FSTL4: variants seen among roughly 807,000 people sequenced by gnomAD.
FSTL4 encodes the protein follistatin like 4, also known as follistatin-related protein 4.
Under a neutral mutation model 78.2 loss-of-function variants are expected in FSTL4, and 28 were observed. The ratio of observed to expected loss-of-function variants is 0.36; its 90% CI spans 0.27 to 0.49. FSTL4 has a LOEUF of 0.49. FSTL4 is among the 20% of genes least tolerant of loss of function. The pLI is 0.98. For missense variants in FSTL4, 922 were observed against 1,084.9 expected, an observed-to-expected ratio of 0.85 and a Z score of 2.11; for synonymous variants, 422 against 440.5, an observed-to-expected ratio of 0.96 and a Z score of 0.53.
intron 2 of FSTL4, among the ~76,000 whole-genome samples, chr5:133,568,928 T>C (rs1285649024): frequency 6.6e-6 from 1 of 152,238 alleles, no homozygotes; most frequent in Non-Finnish European, 1.5e-5. Flanking sequence ...ACACAGGATT[T>C]TAATAATTGT....
At chr5:133,504,522 A>G (rs1345134909) in intron 3 of FSTL4, among the ~76,000 whole-genome samples, 1 of 152,150 alleles carries the variant, frequency 6.6e-6, no homozygotes, top group Non-Finnish European at 1.5e-5. Flanking sequence ...ATCAAGTCAC[A>G]ACCCTGATTA....
At chr5:133,812,112 G>A in the FSTL4 span, among the ~76,000 whole-genome samples, 10 of 152,176 alleles carry the variant, frequency 6.6e-5, no homozygotes, top group East Asian at 1.9e-4. Flanking sequence ...TTCCACAGCC[G>A]AATAATCAGC....
chr5:133,628,111 G>A, the FSTL4 span, among the ~76,000 whole-genome samples: 1 of 152,108 alleles, frequency 6.6e-6, no homozygotes, highest in Non-Finnish European at 1.5e-5. Flanking sequence ...CACAACTAAA[G>A]CAGTGTTTAG....
intron 5 of FSTL4, among the ~76,000 whole-genome samples, chr5:133,315,316 A>T (rs926704315): frequency 4.6e-5 from 7 of 152,210 alleles, no homozygotes; most frequent in African/African-American, 1.7e-4. Context: ...TACATGCTGG[A>T]CGCAGCACTT....
At chr5:133,726,720 G>A in the FSTL4 span, among the ~76,000 whole-genome samples, 4 of 152,194 alleles carry the variant, frequency 2.6e-5, no homozygotes, top group East Asian at 3.9e-4. Flanking sequence ...AAAGGATCCC[G>A]GCTGAATAAT....
At position 133,440,444 on chromosome 5, in the gene FSTL4, C is replaced by G. The variant is rs1757128771; in HGVS notation, c.161-39458G>C. 6.6e-6 allele frequency among the ~76,000 whole-genome samples: 1 copy of G among 152,224 alleles called. No individual in the cohort carries two copies. The highest frequency in any genetic ancestry group is 2.1e-4 in the South Asian group (1 of 4,834). On this transcript the variant is annotated intron_variant, in intron 3 of 15. Coordinates refer to ENST00000265342, the MANE Select transcript of FSTL4 (RefSeq NM_015082.2). This position sits in a 1 kb window ranked among gnomAD's most constrained non-coding sequence, Gnocchi z 4.1. ...GCAGCCAGCCTAATGTGGGGCTGCACTGAGCCCTTACATCTGGCTGGCCGA... is the reference window on the plus strand; with the variant it reads ...GCAGCCAGCCTAATGTGGGGCTGCAGTGAGCCCTTACATCTGGCTGGCCGA...
chr5:133,243,284 AAT>A (rs1297541273), intron 7 of FSTL4, among the ~76,000 whole-genome samples: 8 of 152,256 alleles, frequency 5.3e-5, no homozygotes, highest in South Asian at 2.1e-4. Flanking sequence ...AGTCATTTGA[AAT>A]ATACTGAGTT....
chr5:133,274,568 T>C (rs1752838124), intron 6 of FSTL4, among the ~76,000 whole-genome samples: 1 of 152,122 alleles, frequency 6.6e-6, no homozygotes, highest in African/African-American at 2.4e-5. Flanking sequence ...AATGTCAGCC[T>C]AAGAGACACA....
the FSTL4 span, among the ~76,000 whole-genome samples, chr5:133,721,410 G>A: frequency 2.0e-5 from 3 of 152,088 alleles, no homozygotes; most frequent in Non-Finnish European, 2.9e-5. Flanking sequence ...GGTAATTATT[G>A]TCCTTTTATT....
In FSTL4 at chr5:133,540,720, C is replaced by CAAAAA. The variant is rs79162509; in HGVS notation, c.160+26461_160+26465dup. Reference sequence around the variant, plus strand: ...TCTCCCTCTCATGTTTTAACATAGGCAAAAAAAAAAAAAAAAAAAGAAAGA... The same window carrying CAAAAA: ...TCTCCCTCTCATGTTTTAACATAGGCAAAAAAAAAAAAAAAAAAAAAAAAGAAAGA... On this transcript the variant is annotated intron_variant, in intron 3 of 15. Transcript: ENST00000265342. Among the ~76,000 whole-genome samples the CAAAAA allele has an allele frequency of 1.9e-3, 133 of 70,130 alleles. 2 individuals are homozygous for CAAAAA. Among genetic ancestry groups the CAAAAA allele is most frequent in the African/African-American group, 4.1e-3 (71 of 17,518 alleles). 46.0% of individuals were successfully genotyped at this position (70,130 alleles called of 152,430 possible). A position where few individuals can be genotyped will look rare whatever the true frequency, so the allele number is the denominator to read the frequency against.
intron 2 of FSTL4, among the ~76,000 whole-genome samples, chr5:133,579,945 A>C (rs769311939): frequency 3.3e-5 from 5 of 152,170 alleles, no homozygotes; most frequent in Admixed American, 1.3e-4. Context: ...AAGGTGAGCA[A>C]GCTGGGAAAG....
the FSTL4 span, among the ~76,000 whole-genome samples, chr5:133,625,734 T>TTCC: frequency 6.2e-4 from 50 of 80,422 alleles, 1 homozygote; most frequent in African/African-American, 2.9e-3. Context: ...CATATATATA[T>TTCC]ATATATATAT....
At chr5:133,453,090 T>C (rs757373024) in intron 3 of FSTL4, among the ~76,000 whole-genome samples, 1 of 152,076 alleles carries the variant, frequency 6.6e-6, no homozygotes. Flanking sequence ...AACAGATGAG[T>C]GACTCCAGAT....
At chr5:133,502,735 C>T (rs1441284568) in intron 3 of FSTL4, among the ~76,000 whole-genome samples, 6 of 142,318 alleles carry the variant, frequency 4.2e-5, no homozygotes, top group Non-Finnish European at 7.6e-5. Flanking sequence ...TTTCCTTCTC[C>T]TCAGAAGCAG....
chr5:133,552,759 C>G (rs1230402951), intron 3 of FSTL4, among the ~76,000 whole-genome samples: 3 of 152,164 alleles, frequency 2.0e-5, no homozygotes, highest in Non-Finnish European at 2.9e-5. Flanking sequence ...AAGAGGCAGA[C>G]AGGCTTGGTG....
chr5:133,669,376 A>C, the FSTL4 span, among the ~76,000 whole-genome samples: 2 of 152,236 alleles, frequency 1.3e-5, no homozygotes, highest in African/African-American at 2.4e-5. Flanking sequence ...ATCCTCCCTG[A>C]GCACTTCTTC....
the FSTL4 span, among the ~76,000 whole-genome samples, chr5:133,840,800 C>T: frequency 4.8e-4 from 73 of 152,360 alleles, no homozygotes; most frequent in African/African-American, 1.7e-3. Context: ...AAATCACTCG[C>T]TTGTCAATCT....
At chr5:133,409,262 G>A (rs527668252) in intron 3 of FSTL4, among the ~76,000 whole-genome samples, 2 of 152,284 alleles carry the variant, frequency 1.3e-5, no homozygotes, top group East Asian at 1.9e-4. Flanking sequence ...CACCAGGGCC[G>A]CTGGCCTGCC....
intron 3 of FSTL4, among the ~76,000 whole-genome samples, chr5:133,538,618 G>T (rs773818618): frequency 1.3e-5 from 2 of 151,926 alleles, no homozygotes; most frequent in Non-Finnish European, 2.9e-5. Flanking sequence ...ACCAGGAAGA[G>T]CTTTCCTTTA....
Sources: gnomAD v4.1 joint callset for allele counts (sites outside exome capture counted in the v4.1 genomes callset) on GRCh38, gnomAD v4.1.1 for gene constraint, Gnocchi (gnomAD v3.1) non-coding constraint, MANE v1.5 for transcripts, NCBI Gene and HGNC (gene_info 2026-07-23, HGNC 2026-07-21) for gene names.